The following HS3ST4 variants were observed in gnomAD, a reference collection of about 807,000 sequenced individuals.
HS3ST4 encodes the protein heparan sulfate-glucosamine 3-sulfotransferase 4, also known as heparan sulfate glucosamine 3-O-sulfotransferase 4.
HS3ST4 carries 17 observed loss-of-function variants against 29.2 expected under a neutral mutation model. The ratio of observed to expected loss-of-function variants is 0.58; its 90% CI spans 0.40 to 0.87. The LOEUF (loss-of-function observed/expected upper bound fraction) is 0.87, where lower values mean the gene tolerates loss of function less well. HS3ST4 is among the 40% of genes least tolerant of loss of function. The probability of loss-of-function intolerance (pLI) is 0.00; values close to 1 mark genes in which losing one functional copy is unlikely to be tolerated. For synonymous variants in HS3ST4, 314 were observed against 285.7 expected, an observed-to-expected ratio of 1.10 and a Z score of -1.00; for missense variants, 627 against 634.5, an observed-to-expected ratio of 0.99 and a Z score of 0.13.
rs867750710 is a variant in HS3ST4 at position 25,982,007 on chromosome 16, T to C, written c.735-153605T>C. On this transcript the variant is annotated intron_variant, in intron 1 of 1. Transcript: ENST00000331351. ...GATTGTGCATGCGTGTGCAGCAGCA[T>C]GTGTGTGTATATTCACATACTGAGA... Among the ~76,000 whole-genome samples, 3 of 149,432 alleles carry C rather than the reference T, an allele frequency of 2.0e-5. No individual in the cohort carries two copies. In the Middle Eastern group the frequency reaches 0.01, roughly 515 times the overall value.
chr16:25,749,281 C>G (rs910473221), intron 1 of HS3ST4, among the ~76,000 whole-genome samples: 1 of 152,024 alleles, frequency 6.6e-6, no homozygotes, highest in Non-Finnish European at 1.5e-5. Flanking sequence ...ATTGCTTGAG[C>G]CCAGGAGTTC....
intron 1 of HS3ST4, among the ~76,000 whole-genome samples, chr16:25,903,273 C>CAT (rs1555471404): frequency 3.4e-5 from 2 of 58,398 alleles, no homozygotes; most frequent in Non-Finnish European, 3.8e-5. Context: ...GAAGAATATA[C>CAT]GTGTGTGTGT....
At chr16:25,821,864 G>A (rs74014114) in intron 1 of HS3ST4, among the ~76,000 whole-genome samples, 4,717 of 152,114 alleles carry the variant, frequency 0.031, 142 homozygotes, top group East Asian at 0.1. Flanking sequence ...CCTGAGGATC[G>A]TGCCACTACC....
At chr16:25,996,481 T>C (rs1039228111) in intron 1 of HS3ST4, among the ~76,000 whole-genome samples, 1 of 152,176 alleles carries the variant, frequency 6.6e-6, no homozygotes, top group African/African-American at 2.4e-5. Context: ...ATGGACTCCA[T>C]TTTATTATTT....
At chr16:25,838,195 G>T (rs1269915723) in intron 1 of HS3ST4, among the ~76,000 whole-genome samples, 2 of 152,162 alleles carry the variant, frequency 1.3e-5, no homozygotes, top group South Asian at 2.1e-4. Flanking sequence ...TTATTCAGTC[G>T]ATATTAACGA....
intron 1 of HS3ST4, among the ~76,000 whole-genome samples, chr16:26,094,713 GC>G (rs887973796): frequency 6.6e-6 from 1 of 152,114 alleles, no homozygotes; most frequent in Non-Finnish European, 1.5e-5. Context: ...AAATTAATGG[GC>G]AAAATAACTA....
intron 1 of HS3ST4, among the ~76,000 whole-genome samples, chr16:25,860,795 A>C (rs111388402): frequency 1.3e-5 from 2 of 152,214 alleles, no homozygotes. Context: ...TGGTGGATAC[A>C]TGGCATTATA....
intron 1 of HS3ST4, among the ~76,000 whole-genome samples, chr16:26,115,565 T>C (rs1899192228): frequency 6.6e-6 from 1 of 152,112 alleles, no homozygotes; most frequent in South Asian, 2.1e-4. Context: ...GCCATCCATT[T>C]GGACCTGGAA....
rs1344782663 is a variant in HS3ST4, at chr16:26,136,285, A to C, written c.*37A>C. The C allele has an allele frequency of 1.3e-6, 2 of 1,569,686 alleles. No homozygotes were observed. Among genetic ancestry groups the C allele is most frequent in the Admixed American group, 3.6e-5 (2 of 56,112 alleles). On this transcript the variant is annotated 3_prime_UTR_variant, in exon 2 of 2. Transcript: ENST00000331351. The stretch of plus-strand genomic sequence containing the variant: ...CAGAGGAAGGCTAGTCAATAAGCTA[A>C]GGAGGCTCCTTGCCTGAGTCCTTGA...
intron 1 of HS3ST4, among the ~76,000 whole-genome samples, chr16:26,086,289 G>A (rs935730270): frequency 1.3e-5 from 2 of 151,942 alleles, no homozygotes; most frequent in South Asian, 2.1e-4. Context: ...TGTCTGACTC[G>A]CTCAGTAGAG....
chr16:25,931,477 T>G (rs1968463116), intron 1 of HS3ST4, among the ~76,000 whole-genome samples: 1 of 152,252 alleles, frequency 6.6e-6, no homozygotes, highest in African/African-American at 2.4e-5. Flanking sequence ...AACCATTCAA[T>G]GTATTGACCC....
intron 1 of HS3ST4, among the ~76,000 whole-genome samples, chr16:26,046,566 G>C (rs1367975852): frequency 6.6e-6 from 1 of 152,076 alleles, no homozygotes; most frequent in African/African-American, 2.4e-5. Context: ...ATTGCTGTTA[G>C]AACCTGTTTC....
intron 1 of HS3ST4, among the ~76,000 whole-genome samples, chr16:26,018,083 A>C (rs1414319308): frequency 6.6e-6 from 1 of 152,204 alleles, no homozygotes; most frequent in East Asian, 1.9e-4. Context: ...ATCACACTGC[A>C]TCCCATGTCT....
At chr16:25,895,146 TG>T in intron 1 of HS3ST4, among the ~76,000 whole-genome samples, 2 of 150,766 alleles carry the variant, frequency 1.3e-5, no homozygotes, top group African/African-American at 2.4e-5. Flanking sequence ...GCAGGATGTG[TG>T]TGTGTGTGTG....
At chr16:25,934,339 T>G (rs1968497125) in intron 1 of HS3ST4, among the ~76,000 whole-genome samples, 1 of 152,198 alleles carries the variant, frequency 6.6e-6, no homozygotes, top group Non-Finnish European at 1.5e-5. Context: ...AAAGACCTCA[T>G]AGCACAGATG....
chr16:25,844,321 A>G (rs369982731), intron 1 of HS3ST4, among the ~76,000 whole-genome samples: 2 of 152,292 alleles, frequency 1.3e-5, no homozygotes. Context: ...ATTCAACTAG[A>G]AATTTATTTT....
chr16:26,047,068 T>G (rs1325464868), intron 1 of HS3ST4, among the ~76,000 whole-genome samples: 2 of 152,270 alleles, frequency 1.3e-5, no homozygotes, highest in Non-Finnish European at 2.9e-5. Context: ...CTTTCCTGCT[T>G]AAAATAATAC....
At chr16:25,750,701 C>T (rs1966713216) in intron 1 of HS3ST4, among the ~76,000 whole-genome samples, 1 of 152,156 alleles carries the variant, frequency 6.6e-6, no homozygotes, top group African/African-American at 2.4e-5. Flanking sequence ...TTCAGGTTCC[C>T]ACTCACTTGC....
rs138814614 is a variant in HS3ST4, at chr16:26,076,046, C to T, written c.735-59566C>T. On this transcript the variant is annotated intron_variant, in intron 1 of 1. Coordinates refer to ENST00000331351, the MANE Select transcript of HS3ST4 (RefSeq NM_006040.3). ...CTTCAACCTTCACCACTAGTCAGTC[C>T]CAGACCAGCCAATTTTATGGATCTA... 2.0e-5 allele frequency among the ~76,000 whole-genome samples: 3 copies of T among 152,222 alleles called. No homozygotes were observed. In the East Asian group the frequency reaches 5.8e-4, roughly 29 times the overall value.
Sources: gnomAD v4.1 joint callset for allele counts (sites outside exome capture counted in the v4.1 genomes callset) on GRCh38, gnomAD v4.1.1 for gene constraint, MANE v1.5 for transcripts, NCBI Gene and HGNC (gene_info 2026-07-23, HGNC 2026-07-21) for gene names.